Variants in SIM1 observed in about 807,000 individuals in gnomAD.
The protein encoded by SIM1 is SIM bHLH transcription factor 1.
In SIM1, 18 loss-of-function variants were observed where a neutral mutation model predicts 78.2. The observed-to-expected ratio is 0.23, with a 90% confidence interval of 0.16 to 0.34. The LOEUF (loss-of-function observed/expected upper bound fraction) is 0.34. Among genes scored for constraint, SIM1 ranks in the 10% least tolerant of loss-of-function variants. The probability of loss-of-function intolerance (pLI) is 1.00; values close to 1 mark genes in which losing one functional copy is unlikely to be tolerated. For synonymous variants in SIM1, 417 were observed against 385.2 expected (o/e 1.08, Z -0.97); for missense variants, 939 against 975.1 (o/e 0.96, Z 0.49).
chr6:100,425,938 C>G (rs976005234), intron 9 of SIM1, among the ~76,000 whole-genome samples: 1 of 152,198 alleles, frequency 6.6e-6, no homozygotes, highest in African/African-American at 2.4e-5. Flanking sequence ...AAATGAAGGA[C>G]AGCACTGCTC....
At position 100,396,013 on chromosome 6, in the gene SIM1, G is replaced by A. The variant is rs76904060; in HGVS notation, c.1168-2124C>T. On this transcript the variant is annotated intron_variant, in intron 10 of 11. Transcript: ENST00000369208. Reference sequence around the variant, plus strand: ...AAAATCCACCTTATCTCCCTGCAGGGTTGTAGAATAGGAGACATCAAGGCA... The same window carrying A: ...AAAATCCACCTTATCTCCCTGCAGGATTGTAGAATAGGAGACATCAAGGCA... 4.7e-3 allele frequency: 3,718 copies of A among 799,406 alleles called. 10 individuals are homozygous for A. Among genetic ancestry groups the A allele is most frequent in the Middle Eastern group, 0.012 (19 of 1,592 alleles). The allele number at this position is 799,406 out of a possible 1,614,324, so 49.5% of individuals were successfully genotyped here. A position where few individuals can be genotyped will look rare whatever the true frequency, so the allele number is the denominator to read the frequency against.
At chr6:100,394,235 C>A (rs1012892906) in intron 10 of SIM1, among the ~76,000 whole-genome samples, 1 of 152,148 alleles carries the variant, frequency 6.6e-6, no homozygotes, top group Non-Finnish European at 1.5e-5. Flanking sequence ...CTATTAGTAT[C>A]CCCAGTTTAG....
intron 2 of SIM1, among the ~76,000 whole-genome samples, chr6:100,458,142 C>T (rs539609459): frequency 2.7e-4 from 41 of 152,056 alleles, no homozygotes; most frequent in Non-Finnish European, 5.1e-4. Context: ...AACCTGGCTG[C>T]CCGAGTTGGA....
At chr6:100,460,911 G>A (rs977385920) in intron 2 of SIM1, among the ~76,000 whole-genome samples, 3 of 152,182 alleles carry the variant, frequency 2.0e-5, no homozygotes, top group Non-Finnish European at 4.4e-5. Flanking sequence ...GGAGCCAGCT[G>A]TTCTGATGAC....
intron 2 of SIM1, among the ~76,000 whole-genome samples, chr6:100,454,836 G>A (rs1419730429): frequency 1.3e-5 from 2 of 152,038 alleles, no homozygotes; most frequent in African/African-American, 4.8e-5. Flanking sequence ...AACAAAGAAG[G>A]CAAAAAAACT....
chr6:100,427,998 A>G (rs1758393390), intron 9 of SIM1, among the ~76,000 whole-genome samples: 1 of 152,246 alleles, frequency 6.6e-6, no homozygotes, highest in Admixed American at 6.5e-5. Context: ...ATCCAAATGA[A>G]TAAAAGTTCA....
intron 2 of SIM1, among the ~76,000 whole-genome samples, chr6:100,460,523 T>A (rs1772813689): frequency 6.6e-6 from 1 of 152,238 alleles, no homozygotes; most frequent in African/African-American, 2.4e-5. Context: ...ATAAGACACT[T>A]ATACCTATCT....
rs1261546100 is a variant in SIM1 at position 100,463,918 on chromosome 6, G to A, written c.-450C>T. The A allele has an allele frequency of 6.4e-6, 1 of 156,970 alleles. No individual in the cohort carries two copies. The highest frequency in any genetic ancestry group is 1.9e-4 in the South Asian group (1 of 5,130). The allele number at this position is 156,970 out of a possible 1,614,324, so 9.7% of individuals were successfully genotyped here. A position where few individuals can be genotyped will look rare whatever the true frequency, so the allele number is the denominator to read the frequency against. On this transcript the variant is annotated 5_prime_UTR_variant, in exon 2 of 12. Coordinates refer to ENST00000369208, the MANE Select transcript of SIM1 (RefSeq NM_005068.3). Reference sequence around the variant, plus strand: ...CCCTTTGGGAAGAGCAGGAACCCCAGACAACTCTTTCAAGGCCCTGTGAAG... The same window carrying A: ...CCCTTTGGGAAGAGCAGGAACCCCAAACAACTCTTTCAAGGCCCTGTGAAG...
At chr6:100,445,225 C>T (rs111770269) in intron 9 of SIM1, among the ~76,000 whole-genome samples, 21 of 152,262 alleles carry the variant, frequency 1.4e-4, no homozygotes, top group African/African-American at 2.9e-4. Context: ...GATGACATTT[C>T]GTCTAAAGCA....
chr6:100,450,150 T>G, intron 4 of SIM1, 117 bp downstream of exon 4: 5 of 785,578 alleles, frequency 6.4e-6, no homozygotes, highest in Non-Finnish European at 1.1e-5. Flanking sequence ...CTGCTAGCTG[T>G]GAGATGTCCA....
intron 10 of SIM1, among the ~76,000 whole-genome samples, chr6:100,416,799 C>A (rs1359568088): frequency 6.6e-6 from 1 of 152,030 alleles, no homozygotes; most frequent in African/African-American, 2.4e-5. Context: ...AAGATACAAG[C>A]AACAAAGGAT....
intron 9 of SIM1, among the ~76,000 whole-genome samples, chr6:100,425,035 G>A (rs546924304): frequency 2.1e-4 from 32 of 152,144 alleles, no homozygotes; most frequent in Non-Finnish European, 3.8e-4. Flanking sequence ...TGTTGTGGGA[G>A]GGACCCAGGG....
intron 8 of SIM1, 97 bp from the exon 9 acceptor site, chr6:100,447,512 G>A: frequency 1.8e-5 from 24 of 1,363,878 alleles, no homozygotes; most frequent in Non-Finnish European, 2.4e-5. Flanking sequence ...GCTCCCTGTG[G>A]GCCCTAATAA....
At chr6:100,422,449 C>T (rs932055297) in intron 9 of SIM1, among the ~76,000 whole-genome samples, 1 of 152,162 alleles carries the variant, frequency 6.6e-6, no homozygotes, top group African/African-American at 2.4e-5. Flanking sequence ...GTGATCCACC[C>T]ACCTTGACCT....
In SIM1 at chr6:100,462,135, T is replaced by C. The variant is rs532731055; in HGVS notation, c.175+1159A>G. Among the ~76,000 whole-genome samples the C allele has an allele frequency of 4.7e-4, 71 of 152,250 alleles. 1 individual carries two copies. Among genetic ancestry groups the C allele is most frequent in the Admixed American group, 2.0e-3 (30 of 15,290 alleles). On this transcript the variant is annotated intron_variant, in intron 2 of 11. Coordinates refer to ENST00000369208, the MANE Select transcript of SIM1 (RefSeq NM_005068.3). ...GAAACTGCAAACCCAATAATGACTGTTTCCTGCTCATCCATTCATTTAACG... is the reference window on the plus strand; with the variant it reads ...GAAACTGCAAACCCAATAATGACTGCTTCCTGCTCATCCATTCATTTAACG...
At chr6:100,453,184 T>A (rs1772558108) in intron 3 of SIM1, among the ~76,000 whole-genome samples, 1 of 152,120 alleles carries the variant, frequency 6.6e-6, no homozygotes, top group Non-Finnish European at 1.5e-5. Context: ...TTAAACTCAT[T>A]ATCTGGGGGT....
At chr6:100,406,302 A>AGATTAAATGGGTTTG in intron 10 of SIM1, among the ~76,000 whole-genome samples, 1 of 152,138 alleles carries the variant, frequency 6.6e-6, no homozygotes, top group Non-Finnish European at 1.5e-5. Context: ...TGTAAGTGGC[A>AGATTAAATGGGTTTG]GATTAAATGG....
intron 9 of SIM1, among the ~76,000 whole-genome samples, chr6:100,430,032 G>C (rs541679198): frequency 4.6e-5 from 7 of 151,760 alleles, no homozygotes; most frequent in Non-Finnish European, 8.8e-5. Context: ...ATGACTTTCT[G>C]TTTCCTTCTT....
At chr6:100,430,910 C>T (rs1205430854) in intron 9 of SIM1, among the ~76,000 whole-genome samples, 1 of 152,110 alleles carries the variant, frequency 6.6e-6, no homozygotes, top group Non-Finnish European at 1.5e-5. Context: ...AAAAAAAATA[C>T]CTGTAATAAT....
Sources: gnomAD v4.1 joint callset for allele counts (sites outside exome capture counted in the v4.1 genomes callset) on GRCh38, gnomAD v4.1.1 for gene constraint, MANE v1.5 for transcripts, NCBI Gene and HGNC (gene_info 2026-07-23, HGNC 2026-07-21) for gene names.